SH3BGRL2: variants seen among roughly 807,000 people sequenced by gnomAD.
SH3BGRL2 encodes SH3 domain-binding glutamic acid-rich-like protein 2.
In SH3BGRL2, 21 loss-of-function variants were observed where a neutral mutation model predicts 14.8. That is an observed-to-expected ratio of 1.42 (90% CI 1.01 to 2.05). The LOEUF (loss-of-function observed/expected upper bound fraction) is 2.05, where lower values mean the gene tolerates loss of function less well. Among genes scored for constraint, SH3BGRL2 ranks in the 30% most tolerant of loss-of-function variants. SH3BGRL2 has a pLI of 0.00. For missense variants in SH3BGRL2, 147 were observed against 130.8 expected (o/e 1.12, Z -0.61); for synonymous variants, 50 against 47.8 (o/e 1.05, Z -0.19).
intron 2 of SH3BGRL2, among the ~76,000 whole-genome samples, 185 bp from the exon 3 acceptor site, chr6:79,696,300 T>C (rs1312832661): frequency 2.0e-5 from 3 of 152,224 alleles, no homozygotes; most frequent in Non-Finnish European, 4.4e-5. Context: ...TGTTACATTC[T>C]TCATCATACT....
intron 1 of SH3BGRL2, among the ~76,000 whole-genome samples, chr6:79,645,743 G>A (rs180708852): frequency 1.9e-4 from 29 of 152,324 alleles, no homozygotes; most frequent in Non-Finnish European, 3.4e-4. Context: ...ATGGTTATTA[G>A]TTGTTTGCTG....
the SH3BGRL2 span, among the ~76,000 whole-genome samples, chr6:79,548,080 G>A: frequency 6.6e-6 from 1 of 151,916 alleles, no homozygotes; most frequent in African/African-American, 2.4e-5. Context: ...TGTTGCCTAG[G>A]CTGGCCTCAA....
chr6:79,582,480 C>T, the SH3BGRL2 span, among the ~76,000 whole-genome samples: 2 of 152,108 alleles, frequency 1.3e-5, no homozygotes, highest in African/African-American at 4.8e-5. Flanking sequence ...GAAATAACAC[C>T]ACACATCTAC....
intron 1 of SH3BGRL2, among the ~76,000 whole-genome samples, chr6:79,665,668 A>G (rs1443086744): frequency 6.6e-6 from 1 of 152,238 alleles, no homozygotes; most frequent in African/African-American, 2.4e-5. Context: ...TTTGTTTAAT[A>G]CAAATATTTG....
chr6:79,544,238 G>A, the SH3BGRL2 span, among the ~76,000 whole-genome samples: 4 of 152,074 alleles, frequency 2.6e-5, no homozygotes, highest in Non-Finnish European at 5.9e-5. Context: ...CAAGCGGGTT[G>A]GACAGGCTTA....
At chr6:79,559,975 A>T in the SH3BGRL2 span, among the ~76,000 whole-genome samples, 1 of 152,172 alleles carries the variant, frequency 6.6e-6, no homozygotes, top group East Asian at 1.9e-4. Flanking sequence ...AAAGGTAAGA[A>T]TAGGAGACAG....
At chr6:79,599,348 CAT>C in the SH3BGRL2 span, among the ~76,000 whole-genome samples, 1 of 149,992 alleles carries the variant, frequency 6.7e-6, no homozygotes, top group Non-Finnish European at 1.5e-5. Flanking sequence ...CATGAAGAGA[CAT>C]GTAATAATAT....
chr6:79,547,473 C>T, the SH3BGRL2 span, among the ~76,000 whole-genome samples: 2 of 152,104 alleles, frequency 1.3e-5, no homozygotes, highest in Admixed American at 6.6e-5. Flanking sequence ...CCTTGATGCG[C>T]TGGCATCTGA....
intron 1 of SH3BGRL2, among the ~76,000 whole-genome samples, chr6:79,635,904 T>TA (rs1768912581): frequency 6.6e-6 from 1 of 152,188 alleles, no homozygotes; most frequent in South Asian, 2.1e-4. Context: ...GGTAAGGTGT[T>TA]ACATCCCCGT....
At chr6:79,631,658 A>T in intron 1 of SH3BGRL2, 152 bp downstream of exon 1, 10 of 218,784 alleles carry the variant, frequency 4.6e-5, no homozygotes, top group East Asian at 2.6e-4. Flanking sequence ...TCCGACAACA[A>T]TGAAGAGGGC....
At chr6:79,666,603 G>A (rs866293847) in intron 1 of SH3BGRL2, among the ~76,000 whole-genome samples, 50 of 152,184 alleles carry the variant, frequency 3.3e-4, no homozygotes, top group African/African-American at 1.1e-3. Context: ...CTTTGACAAG[G>A]GAAAGAGCCT....
chr6:79,600,660 C>T, the SH3BGRL2 span, among the ~76,000 whole-genome samples: 1 of 152,088 alleles, frequency 6.6e-6, no homozygotes, highest in Non-Finnish European at 1.5e-5. Flanking sequence ...TAACCAGGCC[C>T]CCACCAGCTC....
chr6:79,615,686 C>G, the SH3BGRL2 span, among the ~76,000 whole-genome samples: 1 of 152,072 alleles, frequency 6.6e-6, no homozygotes, highest in Non-Finnish European at 1.5e-5. Flanking sequence ...GTCTTTGGTT[C>G]TTTCTGTATG....
At chr6:79,541,763 T>C in the SH3BGRL2 span, among the ~76,000 whole-genome samples, 1 of 152,210 alleles carries the variant, frequency 6.6e-6, no homozygotes, top group Non-Finnish European at 1.5e-5. Context: ...ACTGGAATGC[T>C]GTTACTAGAA....
intron 2 of SH3BGRL2, among the ~76,000 whole-genome samples, chr6:79,686,602 C>T (rs2127737120): frequency 6.6e-6 from 1 of 152,148 alleles, no homozygotes. Flanking sequence ...CTTATTATTC[C>T]TTTAAAAATA....
chr6:79,597,304 GAAAA>G, the SH3BGRL2 span, among the ~76,000 whole-genome samples: 4 of 139,648 alleles, frequency 2.9e-5, no homozygotes, highest in East Asian at 2.0e-4. Context: ...GAAAGAGAGA[GAAAA>G]GAAAGAAAGA....
the SH3BGRL2 span, among the ~76,000 whole-genome samples, chr6:79,569,744 A>G: frequency 1.3e-5 from 2 of 152,182 alleles, no homozygotes; most frequent in Non-Finnish European, 2.9e-5. Flanking sequence ...TTACATATGT[A>G]TTAAGCTAAA....
chr6:79,639,153 G>T (rs1349038759), intron 1 of SH3BGRL2, among the ~76,000 whole-genome samples: 1 of 152,144 alleles, frequency 6.6e-6, no homozygotes, highest in Non-Finnish European at 1.5e-5. Flanking sequence ...TTTATAAAAA[G>T]TTCTTAAATG....
chr6:79,572,889 A>G, the SH3BGRL2 span, among the ~76,000 whole-genome samples: 3 of 152,198 alleles, frequency 2.0e-5, no homozygotes, highest in African/African-American at 4.8e-5. Flanking sequence ...CACATACTCT[A>G]TGCTAAATAT....
Sources: allele counts gnomAD v4.1 joint callset (sites outside exome capture counted in the v4.1 genomes callset), GRCh38; gene constraint gnomAD v4.1.1; transcripts MANE v1.5; gene names NCBI Gene and HGNC (gene_info 2026-07-23, HGNC 2026-07-21).